The following SLC37A1 variants were observed in gnomAD, a reference collection of about 807,000 sequenced individuals.
SLC37A1 encodes solute carrier family 37 member 1.
A neutral mutation model predicts 75.3 loss-of-function variants in SLC37A1; 49 were observed. The observed-to-expected ratio is 0.65, with a 90% CI of 0.52 to 0.83. SLC37A1 has a LOEUF of 0.83. Among genes scored for constraint, SLC37A1 ranks in the 40% least tolerant of loss-of-function variants. SLC37A1 has a pLI of 0.00. For synonymous variants in SLC37A1, 268 were observed against 292.1 expected (o/e 0.92, Z 0.84); for missense variants, 566 against 695.0 (o/e 0.81, Z 2.09).
rs767297473 is a variant in SLC37A1 at position 42,568,378 on chromosome 21, A to G, written c.1363A>G (p.Lys455Glu). 1.2e-6 allele frequency: 2 copies of G among 1,614,122 alleles called. No individual in the cohort carries two copies. The highest frequency in any genetic ancestry group is 8.5e-7 in the Non-Finnish European group (1 of 1,179,996). Reference protein sequence around the residue: ...SADLGTHKSLKGNAHALSTVT... With the variant: ...SADLGTHKSLEGNAHALSTVT... Reference sequence around the variant, plus strand: ...CTTCTAGGGGACTCATAAAAGTCTGAAAGGCAACGCGCACGCCCTCTCCAC... The same window carrying G: ...CTTCTAGGGGACTCATAAAAGTCTGGAAGGCAACGCGCACGCCCTCTCCAC... The change falls in exon 17 of 20, where the codon AAA (lysine) becomes GAA (glutamate). Residue 455 changes from lysine (K) to glutamate (E), a missense_variant. By Grantham distance (56) the Lys-to-Glu change is moderately conservative. Coordinates refer to ENST00000352133, the MANE Select transcript of SLC37A1 (RefSeq NM_001320537.2).
chr21:42,512,957 G>A (rs2054452989), upstream of SLC37A1, among the ~76,000 whole-genome samples: 1 of 152,262 alleles, frequency 6.6e-6, no homozygotes, highest in African/African-American at 2.4e-5. Context: ...GGGGAAGGGT[G>A]CGAGGGGCAC....
chr21:42,573,169 C>G (rs1358354396), intron 17 of SLC37A1, among the ~76,000 whole-genome samples: 1 of 152,124 alleles, frequency 6.6e-6, no homozygotes, highest in Admixed American at 6.5e-5. Context: ...CTGTCCTGCA[C>G]GGGGGCATCA....
intron 18 of SLC37A1, 98 bp from the exon 19 acceptor site, chr21:42,579,638 C>A: frequency 1.8e-6 from 2 of 1,113,176 alleles, no homozygotes; most frequent in Non-Finnish European, 2.5e-6. Flanking sequence ...GAGAGCCACC[C>A]GCCCAGGCCT....
rs530570413 is a variant in SLC37A1 at position 42,554,236 on chromosome 21, CAT to C, written c.849+95_849+96del. On this transcript the variant is annotated intron_variant, in intron 10 of 19. Coordinates refer to ENST00000352133, the MANE Select transcript of SLC37A1 (RefSeq NM_001320537.2). Reference sequence around the variant, plus strand: ...GCTCTCTGTCCCTCTGCCTATGTGACATGTGTCACAAACATCCAGGTCTTAAA... The same window carrying C: ...GCTCTCTGTCCCTCTGCCTATGTGACGTGTCACAAACATCCAGGTCTTAAA... The C allele has an allele frequency of 5.8e-4, 609 of 1,051,024 alleles. 5 individuals carry two copies. In the East Asian group the frequency reaches 0.011, roughly 20 times the overall value. The allele number at this position is 1,051,024 out of a possible 1,614,324, so 65.1% of individuals were successfully genotyped here.
intron 2 of SLC37A1, among the ~76,000 whole-genome samples, chr21:42,505,864 G>A (rs939060212): frequency 6.6e-6 from 1 of 152,192 alleles, no homozygotes; most frequent in African/African-American, 2.4e-5. Context: ...GTACCAACTA[G>A]ATTGTTCATT....
intron 13 of SLC37A1, 34 bp downstream of exon 13, chr21:42,563,911 T>C (rs1327437873): frequency 6.2e-7 from 1 of 1,612,320 alleles, no homozygotes; most frequent in African/African-American, 1.3e-5. Flanking sequence ...GCTGCAACAA[T>C]AATTTCGCAA....
At chr21:42,505,200 T>A (rs2054373405) in intron 2 of SLC37A1, among the ~76,000 whole-genome samples, 1 of 152,170 alleles carries the variant, frequency 6.6e-6, no homozygotes, top group Non-Finnish European at 1.5e-5. Context: ...GACTCCCTCA[T>A]TCGATTATTA....
intron 18 of SLC37A1, among the ~76,000 whole-genome samples, chr21:42,577,382 C>A (rs1305981905): frequency 6.6e-6 from 1 of 152,224 alleles, no homozygotes; most frequent in Non-Finnish European, 1.5e-5. Context: ...AACCATATGG[C>A]TGCAAAGCCT....
intron 18 of SLC37A1, among the ~76,000 whole-genome samples, chr21:42,578,039 C>G (rs1206123808): frequency 6.6e-6 from 1 of 152,198 alleles, no homozygotes; most frequent in African/African-American, 2.4e-5. Flanking sequence ...CTAGACATAC[C>G]TTTTTCTCTT....
intron 1 of SLC37A1, 72 bp from the exon 2 acceptor site, chr21:42,518,205 A>C: frequency 1.9e-6 from 1 of 517,406 alleles, no homozygotes; most frequent in East Asian, 3.7e-5. Context: ...GTGTGTGGTT[A>C]CTTCTGCCAG....
chr21:42,507,968 A>G (rs1267534058), intron 2 of SLC37A1, among the ~76,000 whole-genome samples: 1 of 152,156 alleles, frequency 6.6e-6, no homozygotes, highest in African/African-American at 2.4e-5. Flanking sequence ...AGAGGATATG[A>G]GTAATTTCAT....
At chr21:42,543,705 C>T in intron 8 of SLC37A1, 103 bp downstream of exon 8, 1 of 1,213,874 alleles carries the variant, frequency 8.2e-7, no homozygotes, top group Non-Finnish European at 1.1e-6. Context: ...GGCCTAGCGC[C>T]CTGTTTGCCC....
chr21:42,556,653 C>T (rs228090), intron 10 of SLC37A1, among the ~76,000 whole-genome samples: 70,243 of 152,094 alleles, frequency 0.46, 17,002 homozygotes, highest in Admixed American at 0.61. Flanking sequence ...CCACAGATCC[C>T]ATTTGGGGCT....
At chr21:42,539,700 G>A in intron 6 of SLC37A1, 53 bp downstream of exon 6, 2 of 1,560,758 alleles carry the variant, frequency 1.3e-6, no homozygotes, top group Admixed American at 3.7e-5. Flanking sequence ...TGGTGAATAG[G>A]GTGGAGTGTT....
intron 11 of SLC37A1, among the ~76,000 whole-genome samples, chr21:42,559,891 C>CA (rs71319998): frequency 2.3e-5 from 2 of 88,438 alleles, no homozygotes; most frequent in Non-Finnish European, 2.5e-5. Flanking sequence ...AAAAAAAAAA[C>CA]CCAAAAAGTG....
In SLC37A1 at chr21:42,554,978, GGTT is replaced by G. The variant is rs1468943444; in HGVS notation, c.849+840_849+842del. ...CAGGTTTTTGTTTGTTTGGTTGGTT[GGTT>G]GTTTTTTTTTTTTTTTTTTTTTGAG... is the stretch of plus-strand genomic sequence containing the variant. On this transcript the variant is annotated intron_variant, in intron 10 of 19. Coordinates refer to ENST00000352133, the MANE Select transcript of SLC37A1 (RefSeq NM_001320537.2). 5.3e-5 allele frequency among the ~76,000 whole-genome samples: 7 copies of G among 132,494 alleles called. No homozygotes were observed. The East Asian group carries it at 1.4e-3, about 26-fold the overall frequency. The allele number at this position is 132,494 out of a possible 152,430, so 86.9% of individuals were successfully genotyped here.
At chr21:42,579,857 T>C (rs373846443) in intron 19 of SLC37A1, 57 bp downstream of exon 19, 12 of 1,557,594 alleles carry the variant, frequency 7.7e-6, no homozygotes, top group Admixed American at 5.1e-5. Flanking sequence ...AAGTGCCTTC[T>C]GTCCTATCTG....
chr21:42,542,358 G>A (rs375293436), intron 6 of SLC37A1, 46 bp from the exon 7 acceptor site: 69 of 1,584,348 alleles, frequency 4.4e-5, no homozygotes, highest in Middle Eastern at 3.4e-4. Flanking sequence ...GCGCTGTCCC[G>A]GGCCTGCTTC....
chr21:42,558,269 A>G (rs2055740996), intron 10 of SLC37A1, among the ~76,000 whole-genome samples: 2 of 152,258 alleles, frequency 1.3e-5, no homozygotes, highest in Admixed American at 1.3e-4. Context: ...ATTCATAAAT[A>G]TCAGAATAGG....
Sources: allele counts gnomAD v4.1 joint callset (sites outside exome capture counted in the v4.1 genomes callset), GRCh38; gene constraint gnomAD v4.1.1; transcripts MANE v1.5; gene names NCBI Gene and HGNC (gene_info 2026-07-23, HGNC 2026-07-21).